The following TIMELESS variants were observed in gnomAD, a reference collection of about 807,000 sequenced individuals.
The protein encoded by TIMELESS is protein timeless homolog.
TIMELESS carries 124 observed loss-of-function variants against 164.3 expected under a neutral mutation model. The observed-to-expected ratio is 0.75, with a 90% CI of 0.65 to 0.88. The LOEUF is 0.88. TIMELESS is among the 40% of genes least tolerant of loss of function. The pLI is 0.00. For missense variants in TIMELESS, 1,422 were observed against 1,491.4 expected (o/e 0.95, Z 0.77); for synonymous variants, 564 against 563.4 (o/e 1.00, Z -0.02).
intron 13 of TIMELESS, 87 bp downstream of exon 13, chr12:56,428,149 T>G (rs990130495): frequency 1.3e-5 from 18 of 1,348,310 alleles, no homozygotes; most frequent in East Asian, 2.3e-5. Flanking sequence ...ACAGATGAAC[T>G]TAAGCTGTAC....
intron 1 of TIMELESS, among the ~76,000 whole-genome samples, chr12:56,435,358 T>TAA (rs71446553): frequency 6.8e-6 from 1 of 146,994 alleles, no homozygotes; most frequent in African/African-American, 2.5e-5. Context: ...CATCTTCTTT[T>TAA]AAAAAAAAAA....
intron 18 of TIMELESS, 38 bp from the exon 19 acceptor site, chr12:56,423,030 C>A (rs774048): frequency 0.05 from 79,227 of 1,594,236 alleles, 2,743 homozygotes; most frequent in Admixed American, 0.14. Flanking sequence ...CCTCTCTGGT[C>A]CAATGCAGAC....
In TIMELESS at chr12:56,418,183, C is replaced by G. The variant is rs750483630; in HGVS notation, c.3405G>C (p.Arg1135Ser). The G allele has an allele frequency of 1.2e-6, 2 of 1,614,214 alleles. No individual in the cohort carries two copies. Among genetic ancestry groups the G allele is most frequent in the Admixed American group, 3.3e-5 (2 of 60,024 alleles). ...HCKEHRAQAL[R>S]ALLLAHKKKA... ...TCTTCTTGTGGGCTAGCAAGAGGGC[C>G]CTCAGGGCTTGTGCTCGGTGCTCTT... The change falls in exon 27 of 29, where the codon AGG becomes AGC. Residue 1135 changes from arginine to serine, a missense_variant. Transcript: ENST00000553532.
At chr12:56,429,615 C>A (rs1209863978) in intron 10 of TIMELESS, among the ~76,000 whole-genome samples, 1 of 149,156 alleles carries the variant, frequency 6.7e-6, no homozygotes, top group Non-Finnish European at 1.5e-5. Flanking sequence ...GATTATCCTG[C>A]CTCAGGCTCC....
intron 26 of TIMELESS, 144 bp from the exon 27 acceptor site, chr12:56,418,503 A>G: frequency 1.6e-6 from 1 of 611,910 alleles, no homozygotes; most frequent in Non-Finnish European, 2.9e-6. Flanking sequence ...ACTATCTAAT[A>G]TATACCCAGT....
intron 1 of TIMELESS, among the ~76,000 whole-genome samples, chr12:56,448,704 G>A (rs1868442670): frequency 6.6e-6 from 1 of 152,114 alleles, no homozygotes; most frequent in Non-Finnish European, 1.5e-5. Flanking sequence ...ACTCCATCCT[G>A]GGCGACAGAA....
intron 1 of TIMELESS, among the ~76,000 whole-genome samples, chr12:56,445,376 C>G (rs540666509): frequency 2.3e-5 from 3 of 131,406 alleles, no homozygotes; most frequent in African/African-American, 8.8e-5. Context: ...GAGCCGAGAT[C>G]GCACCATTGC....
chr12:56,442,806 G>T (rs1008472668), intron 1 of TIMELESS, among the ~76,000 whole-genome samples: 3 of 152,168 alleles, frequency 2.0e-5, no homozygotes, highest in African/African-American at 7.2e-5. Context: ...AAATTGTGAA[G>T]ATTTCATGGA....
chr12:56,423,246 A>G (rs755074455), intron 18 of TIMELESS, 28 bp downstream of exon 18: 8 of 1,612,276 alleles, frequency 5.0e-6, no homozygotes, highest in Non-Finnish European at 5.9e-6. Flanking sequence ...ATACCCTTCC[A>G]GAACCCCATT....
intron 1 of TIMELESS, among the ~76,000 whole-genome samples, chr12:56,440,496 C>T (rs1868259941): frequency 6.6e-6 from 1 of 152,166 alleles, no homozygotes; most frequent in Non-Finnish European, 1.5e-5. Flanking sequence ...ACCAACTCTG[C>T]TCCAAGGATC....
chr12:56,438,016 G>A (rs527619417), intron 1 of TIMELESS, among the ~76,000 whole-genome samples: 2 of 152,020 alleles, frequency 1.3e-5, no homozygotes, highest in Non-Finnish European at 2.9e-5. Context: ...CTCTCGCTCC[G>A]AGAGTGTTAA....
At chr12:56,434,279 A>G in intron 1 of TIMELESS, 48 bp from the exon 2 acceptor site, 2 of 877,008 alleles carry the variant, frequency 2.3e-6, no homozygotes, top group Non-Finnish European at 1.9e-6. Context: ...CTCCATGAAA[A>G]GAAGATAGGA....
At chr12:56,436,219 C>A (rs1399810437) in intron 1 of TIMELESS, among the ~76,000 whole-genome samples, 1 of 152,004 alleles carries the variant, frequency 6.6e-6, no homozygotes, top group Non-Finnish European at 1.5e-5. Context: ...TTTGGGAGGC[C>A]GAGGTGTGTG....
intron 22 of TIMELESS, 107 bp downstream of exon 22, chr12:56,421,620 A>G: frequency 1.3e-6 from 2 of 1,519,262 alleles, no homozygotes; most frequent in Non-Finnish European, 1.8e-6. Context: ...ATAGTAAGTG[A>G]ACAGAAGGGA....
In TIMELESS at chr12:56,421,248, TG is replaced by T. The variant is rs751836594; in HGVS notation, c.2868+102del. 7.6e-6 allele frequency: 12 copies of T among 1,581,834 alleles called. No individual in the cohort carries two copies. The East Asian group carries it at 1.6e-4, about 21-fold the overall frequency. ...CCGCGCCTGCTCTCTCGGAAGGACC[TG>T]GTCAGAACAGCCTCAGGCAGGAAGA... is the stretch of plus-strand genomic sequence containing the variant. On this transcript the variant is annotated intron_variant, in intron 23 of 28. Transcript: ENST00000553532.
intron 1 of TIMELESS, among the ~76,000 whole-genome samples, chr12:56,448,563 T>TA (rs1003315575): frequency 3.2e-4 from 47 of 148,530 alleles, no homozygotes; most frequent in South Asian, 6.4e-4. Flanking sequence ...CCATCTCTAC[T>TA]AAAAAAAATA....
chr12:56,434,531 A>G (rs1246887589), intron 1 of TIMELESS, among the ~76,000 whole-genome samples: 1 of 152,162 alleles, frequency 6.6e-6, no homozygotes, highest in African/African-American at 2.4e-5. Flanking sequence ...TGAGGTTGGG[A>G]GTTCGAGACC....
Position 56,429,370 on chromosome 12 carries a change from T to C in TIMELESS, c.1087-270A>G, listed in dbSNP as rs535277252. On this transcript the variant is annotated intron_variant, in intron 10 of 28. Transcript: ENST00000553532. ...CCCGCCACCACGCCCAGTTAATTTT[T>C]TGTATTTTCAGTAGAGATGGGGTTT... Among the ~76,000 whole-genome samples the C allele has an allele frequency of 3.3e-5, 5 of 151,994 alleles. No individual in the cohort carries two copies. The East Asian group carries it at 9.7e-4, about 29-fold the overall frequency.
At position 56,417,344 on chromosome 12, in the gene TIMELESS, G is replaced by T. The variant is rs190035995; in HGVS notation, c.*372C>A. 2.0e-5 allele frequency: 4 copies of T among 197,488 alleles called. No homozygotes were observed. In the East Asian group the frequency reaches 4.7e-4, roughly 23 times the overall value. The allele number at this position is 197,488 out of a possible 1,614,324, so 12.2% of individuals were successfully genotyped here. A position where few individuals can be genotyped will look rare whatever the true frequency, so the allele number is the denominator to read the frequency against. The stretch of plus-strand genomic sequence containing the variant: ...GTCATAAAGCTCCCCATCTGGTGCT[G>T]CGACCCACCTCCAAGAGAAAGCCAA... On this transcript the variant is annotated 3_prime_UTR_variant, in exon 29 of 29. Coordinates refer to ENST00000553532, the MANE Select transcript of TIMELESS (RefSeq NM_003920.5).
Sources: allele counts gnomAD v4.1 joint callset (sites outside exome capture counted in the v4.1 genomes callset), GRCh38; gene constraint gnomAD v4.1.1; transcripts MANE v1.5; gene names NCBI Gene and HGNC (gene_info 2026-07-23, HGNC 2026-07-21).